Variants in MID1 observed in about 807,000 individuals in gnomAD.
The protein encoded by MID1 is E3 ubiquitin-protein ligase Midline-1.
A neutral mutation model predicts 40.4 loss-of-function variants in MID1; 7 were observed. The ratio of observed to expected loss-of-function variants is 0.17; its 90% confidence interval spans 0.10 to 0.33. The LOEUF is 0.33. Among genes scored for constraint, MID1 ranks in the 10% least tolerant of loss-of-function variants. MID1 has a pLI of 1.00. For synonymous variants in MID1, 229 were observed against 221.2 expected (o/e 1.04, Z -0.31); for missense variants, 367 against 558.5 (o/e 0.66, Z 3.46).
chrX:10,510,830 C>CAAAAAAAAAAAAAAA (rs1185825614), intron 3 of MID1, among the ~76,000 whole-genome samples: 4 of 23,944 alleles, frequency 1.7e-4, no homozygotes, highest in African/African-American at 4.6e-4. Context: ...GACTCTGTCT[C>CAAAAAAAAAAAAAAA]AAAAAAAAAA....
At chrX:10,649,190 G>T (rs1394169114) in intron 1 of MID1, among the ~76,000 whole-genome samples, 1 of 112,037 alleles carries the variant, frequency 8.9e-6, no homozygotes, top group Non-Finnish European at 1.9e-5. Flanking sequence ...ACTCCTAGCA[G>T]TACAAATGAG....
intron 3 of MID1, among the ~76,000 whole-genome samples, chrX:10,510,102 T>C (rs1323354753): frequency 3.6e-5 from 4 of 112,199 alleles, no homozygotes; most frequent in African/African-American, 1.3e-4. Context: ...TCGGGAGTCC[T>C]TGAATCAATG....
chrX:10,802,767 T>C (rs1178827555), intron 1 of MID1, among the ~76,000 whole-genome samples: 1 of 111,823 alleles, frequency 8.9e-6, no homozygotes, highest in Non-Finnish European at 1.9e-5. Flanking sequence ...AAAGACATAG[T>C]ATAAACCTAG....
At chrX:10,613,762 G>C (rs1046237781) in intron 1 of MID1, among the ~76,000 whole-genome samples, 6 of 86,112 alleles carry the variant, frequency 7.0e-5, no homozygotes, top group East Asian at 3.3e-4. Context: ...GAGAGAGAGA[G>C]AGAGAGACAG....
At chrX:10,455,798 T>TTCTACTCATGAAATTATTTATATATAA (rs1928625743) in intron 8 of MID1, among the ~76,000 whole-genome samples, 1 of 112,224 alleles carries the variant, frequency 8.9e-6, no homozygotes, top group Non-Finnish European at 1.9e-5. Flanking sequence ...TGCCTGGGTT[T>TTCTACTCATGAAATTATTTATATATAA]TCTACTCATG....
intron 1 of MID1, among the ~76,000 whole-genome samples, chrX:10,763,607 A>G (rs1436166806): frequency 3.6e-5 from 4 of 111,585 alleles, no homozygotes; most frequent in African/African-American, 9.8e-5. Context: ...GCTATTGTGA[A>G]TAGTGCCGCA....
chrX:10,498,534 G>A (rs1005649165), intron 3 of MID1, among the ~76,000 whole-genome samples: 7 of 111,840 alleles, frequency 6.3e-5, no homozygotes, highest in Non-Finnish European at 1.3e-4. Flanking sequence ...ATGTGCAATC[G>A]TCATCACAAT....
chrX:10,649,657 A>G (rs1466791518), intron 1 of MID1, among the ~76,000 whole-genome samples: 2 of 112,086 alleles, frequency 1.8e-5, no homozygotes, highest in Non-Finnish European at 3.8e-5. Context: ...AGAAGTCTCT[A>G]GCGTTTTTCA....
intron 2 of MID1, among the ~76,000 whole-genome samples, chrX:10,526,716 T>C (rs749855304): frequency 7.1e-5 from 8 of 112,062 alleles, no homozygotes; most frequent in Non-Finnish European, 1.1e-4. Flanking sequence ...AATCAACTAA[T>C]ACATAGACTA....
intron 1 of MID1, among the ~76,000 whole-genome samples, chrX:10,608,517 A>G (rs780482050): frequency 3.6e-5 from 4 of 112,082 alleles, no homozygotes; most frequent in African/African-American, 1.3e-4. Flanking sequence ...TTACGTTTAT[A>G]TTCTTGAAGT....
intron 1 of MID1, among the ~76,000 whole-genome samples, chrX:10,680,650 C>T (rs754481078): frequency 6.3e-5 from 7 of 111,168 alleles, no homozygotes; most frequent in Middle Eastern, 4.7e-3. Context: ...TACTAAACTA[C>T]GTTAAATTGA....
chrX:10,473,212 T>TATC (rs200631511), intron 6 of MID1, among the ~76,000 whole-genome samples: 6,619 of 112,690 alleles, frequency 0.059, 379 homozygotes, highest in African/African-American at 0.18. Context: ...ATATAGAACA[T>TATC]ATCTATCATC....
intron 5 of MID1, among the ~76,000 whole-genome samples, chrX:10,477,110 C>T (rs995282733): frequency 5.4e-5 from 6 of 112,125 alleles, no homozygotes; most frequent in Non-Finnish European, 7.5e-5. Flanking sequence ...AAGTGAAACG[C>T]CAATTAATTC....
intron 1 of MID1, among the ~76,000 whole-genome samples, chrX:10,730,826 G>A (rs963910212): frequency 4.5e-5 from 5 of 110,420 alleles, no homozygotes; most frequent in Non-Finnish European, 9.5e-5. Flanking sequence ...CGCCCACGTC[G>A]GCCTCCCAAA....
chrX:10,489,120 A>G (rs1051565819), intron 4 of MID1, among the ~76,000 whole-genome samples: 2 of 112,010 alleles, frequency 1.8e-5, no homozygotes, highest in African/African-American at 3.2e-5. Context: ...AGAATTTGTT[A>G]TATATTCTGG....
intron 1 of MID1, among the ~76,000 whole-genome samples, chrX:10,589,143 T>TA (rs927494741): frequency 4.5e-5 from 5 of 111,629 alleles, no homozygotes; most frequent in African/African-American, 1.6e-4. Context: ...AAACCAAAAT[T>TA]AGAGTATCCA....
intron 2 of MID1, among the ~76,000 whole-genome samples, chrX:10,533,324 A>G (rs867020878): frequency 1.4e-5 from 1 of 70,757 alleles, no homozygotes; most frequent in Admixed American, 1.8e-4. Flanking sequence ...AGAAAGAAAG[A>G]AAGGAAAGAA....
At chrX:10,456,527 T>G (rs2147262351) in intron 8 of MID1, among the ~76,000 whole-genome samples, 1 of 112,795 alleles carries the variant, frequency 8.9e-6, no homozygotes, top group South Asian at 3.6e-4. Flanking sequence ...TTTAGAAATC[T>G]ATTTCTGTAC....
chrX:10,653,870 TA>T (rs2042851159), intron 1 of MID1, among the ~76,000 whole-genome samples: 1 of 112,844 alleles, frequency 8.9e-6, no homozygotes, highest in East Asian at 2.8e-4. Context: ...TTACATTGTA[TA>T]ATTTGTCCCT....
Sources: allele counts gnomAD v4.1 joint callset (sites outside exome capture counted in the v4.1 genomes callset), GRCh38; gene constraint gnomAD v4.1.1; transcripts MANE v1.5; gene names NCBI Gene and HGNC (gene_info 2026-07-23, HGNC 2026-07-21).